The following PITPNC1 variants were observed in gnomAD, a reference collection of about 807,000 sequenced individuals.
The protein encoded by PITPNC1 is phosphatidylinositol transfer protein cytoplasmic 1.
A neutral mutation model predicts 44.7 loss-of-function variants in PITPNC1; 18 were observed. That is an observed-to-expected ratio of 0.40 (90% CI 0.28 to 0.60). The LOEUF (loss-of-function observed/expected upper bound fraction) is 0.60, where lower values mean the gene tolerates loss of function less well. PITPNC1 is among the 20% of genes least tolerant of loss of function. PITPNC1 has a pLI of 0.39. For missense variants in PITPNC1, 290 were observed against 418.4 expected, an observed-to-expected ratio of 0.69 and a Z score of 2.68; for synonymous variants, 141 against 149.6, an observed-to-expected ratio of 0.94 and a Z score of 0.42.
At chr17:67,664,062 A>G (rs2042386376) in intron 6 of PITPNC1, among the ~76,000 whole-genome samples, 1 of 152,070 alleles carries the variant, frequency 6.6e-6, no homozygotes, top group Non-Finnish European at 1.5e-5. Context: ...TCCTGGATTC[A>G]AGCAGTTCTC....
chr17:67,397,690 A>G (rs1344920938), intron 1 of PITPNC1, among the ~76,000 whole-genome samples: 1 of 152,132 alleles, frequency 6.6e-6, no homozygotes, highest in Non-Finnish European at 1.5e-5. Flanking sequence ...ACCTCAAGAC[A>G]CACGTTTGGG....
intron 5 of PITPNC1, among the ~76,000 whole-genome samples, chr17:67,600,911 T>C (rs1312185157): frequency 1.3e-5 from 2 of 152,028 alleles, no homozygotes; most frequent in Admixed American, 1.3e-4. Context: ...CAACGTATAT[T>C]TGAGTAATAA....
intron 1 of PITPNC1, among the ~76,000 whole-genome samples, chr17:67,468,300 G>A (rs756471776): frequency 9.2e-5 from 14 of 152,200 alleles, no homozygotes; most frequent in Non-Finnish European, 1.5e-4. Context: ...CCAGCTGTTA[G>A]CAACACTGGG....
chr17:67,550,793 C>T (rs367745174), intron 2 of PITPNC1, among the ~76,000 whole-genome samples: 1 of 152,104 alleles, frequency 6.6e-6, no homozygotes, highest in Non-Finnish European at 1.5e-5. Context: ...CGGGCGCAGT[C>T]GCTCACACCT....
chr17:67,516,046 C>T lies in PITPNC1; in HGVS notation c.49-16756C>T, dbSNP rs540207644. On this transcript the variant is annotated intron_variant, in intron 1 of 8. Coordinates refer to ENST00000581322, the MANE Select transcript of PITPNC1 (RefSeq NM_012417.4). Reference sequence around the variant, plus strand: ...ACCTTCTAGGAGCAGGATTGAGGATCTCAGGCTCTTGGCTTCTGATTTTGT... The same window carrying T: ...ACCTTCTAGGAGCAGGATTGAGGATTTCAGGCTCTTGGCTTCTGATTTTGT... Among the ~76,000 whole-genome samples the T allele has an allele frequency of 1.6e-4, 25 of 152,280 alleles. No homozygotes were observed. In the South Asian group the frequency reaches 4.4e-3, roughly 27 times the overall value.
At chr17:67,430,031 C>G (rs2038832851) in intron 1 of PITPNC1, among the ~76,000 whole-genome samples, 1 of 152,208 alleles carries the variant, frequency 6.6e-6, no homozygotes, top group Non-Finnish European at 1.5e-5. Flanking sequence ...AATTTTACTT[C>G]CAGTTCTGAA....
intron 6 of PITPNC1, among the ~76,000 whole-genome samples, chr17:67,642,476 A>T (rs1228988568): frequency 1.3e-5 from 2 of 152,158 alleles, no homozygotes; most frequent in Non-Finnish European, 2.9e-5. Flanking sequence ...AATTGCCCTC[A>T]GCCATCTTGA....
Position 67,508,919 on chromosome 17 carries a change from T to C in PITPNC1, c.49-23883T>C, listed in dbSNP as rs2040141542. Among the ~76,000 whole-genome samples the C allele has an allele frequency of 6.6e-6, 1 of 152,350 alleles. No individual in the cohort carries two copies. The highest frequency in any genetic ancestry group is 6.5e-5 in the Admixed American group (1 of 15,304). On this transcript the variant is annotated intron_variant, in intron 1 of 8. Transcript: ENST00000581322. The surrounding 1 kb of genome is among the most constrained non-coding windows in gnomAD (Gnocchi z 4.2). ...GGTTAAAATGGTAAATTTCATGTTA[T>C]GTATGTTTTACCATAATTTAAAAAT...
intron 5 of PITPNC1, among the ~76,000 whole-genome samples, chr17:67,589,343 T>C (rs2041360585): frequency 1.3e-5 from 2 of 152,226 alleles, no homozygotes; most frequent in South Asian, 4.1e-4. Flanking sequence ...GGATAATCAT[T>C]AGTAGAAGAC....
At chr17:67,544,882 C>T (rs77488675) in intron 2 of PITPNC1, among the ~76,000 whole-genome samples, 20 of 152,160 alleles carry the variant, frequency 1.3e-4, no homozygotes, top group Admixed American at 3.3e-4. Flanking sequence ...TTCCACTGCC[C>T]GGGCAACAGG....
intron 2 of PITPNC1, among the ~76,000 whole-genome samples, chr17:67,536,550 G>A (rs1410883116): frequency 6.6e-6 from 1 of 152,074 alleles, no homozygotes; most frequent in Non-Finnish European, 1.5e-5. Context: ...TCTAAGACAA[G>A]TATGCATATT....
At chr17:67,427,389 T>G (rs2143885436) in intron 1 of PITPNC1, among the ~76,000 whole-genome samples, 1 of 152,112 alleles carries the variant, frequency 6.6e-6, no homozygotes, top group East Asian at 1.9e-4. Context: ...TTTTTTTGTA[T>G]TTTTAGTAGA....
chr17:67,409,336 G>A (rs112112708), intron 1 of PITPNC1, among the ~76,000 whole-genome samples: 3,385 of 150,834 alleles, frequency 0.022, 137 homozygotes, highest in African/African-American at 0.079. Context: ...CACCCGCCTC[G>A]GCCTCCCAAA....
intron 8 of PITPNC1, among the ~76,000 whole-genome samples, chr17:67,680,802 A>G (rs1225358319): frequency 6.6e-6 from 1 of 152,186 alleles, no homozygotes; most frequent in East Asian, 1.9e-4. Context: ...TTCTCAAAGG[A>G]TGGCTACCAT....
intron 4 of PITPNC1, among the ~76,000 whole-genome samples, chr17:67,574,805 A>G (rs927260003): frequency 6.6e-6 from 1 of 152,114 alleles, no homozygotes; most frequent in African/African-American, 2.4e-5. Flanking sequence ...ATCAGCCCCA[A>G]CCACCTGCCG....
At chr17:67,657,160 T>G (rs962278506) in intron 6 of PITPNC1, among the ~76,000 whole-genome samples, 1 of 150,722 alleles carries the variant, frequency 6.6e-6, no homozygotes, top group Non-Finnish European at 1.5e-5. Flanking sequence ...ACCCCCGTTT[T>G]TTTTGTTTTG....
intron 1 of PITPNC1, among the ~76,000 whole-genome samples, chr17:67,489,689 G>A (rs961498714): frequency 6.6e-6 from 1 of 152,162 alleles, no homozygotes; most frequent in Admixed American, 6.5e-5. Context: ...TACTGAACCC[G>A]AACCTTTTCT....
At chr17:67,511,362 C>T (rs1249761142) in intron 1 of PITPNC1, among the ~76,000 whole-genome samples, 1 of 152,146 alleles carries the variant, frequency 6.6e-6, no homozygotes, top group Non-Finnish European at 1.5e-5. Context: ...GGATAAATTC[C>T]TAGGTAGAGT....
chr17:67,673,569 C>T (rs995486733), intron 7 of PITPNC1, among the ~76,000 whole-genome samples: 10 of 152,174 alleles, frequency 6.6e-5, no homozygotes, highest in African/African-American at 1.4e-4. Context: ...CAATGGTAAA[C>T]GGCCTTTTTC....
Sources: allele counts gnomAD v4.1 joint callset (sites outside exome capture counted in the v4.1 genomes callset), GRCh38; gene constraint gnomAD v4.1.1; non-coding constraint Gnocchi (gnomAD v3.1); transcripts MANE v1.5; gene names NCBI Gene and HGNC (gene_info 2026-07-23, HGNC 2026-07-21).